The following ARPC3 variants were observed in gnomAD, a reference collection of about 807,000 sequenced individuals.
ARPC3 encodes the protein actin-related protein 2/3 complex subunit 3.
In ARPC3, 12 loss-of-function variants were observed where a neutral mutation model predicts 27.6. The ratio of observed to expected loss-of-function variants is 0.43; its 90% CI spans 0.28 to 0.70. The LOEUF is 0.70. Among genes scored for constraint, ARPC3 ranks in the 30% least tolerant of loss-of-function variants. The pLI, the probability that ARPC3 is intolerant of heterozygous loss-of-function variation, is 0.17. For missense variants in ARPC3, 153 were observed against 207.7 expected (o/e 0.74, Z 1.62); for synonymous variants, 53 against 67.2 (o/e 0.79, Z 1.03).
At chr12:110,435,620 G>A (rs1007930392) in intron 6 of ARPC3, among the ~76,000 whole-genome samples, 5 of 151,686 alleles carry the variant, frequency 3.3e-5, no homozygotes, top group Non-Finnish European at 5.9e-5. Context: ...GTGAGCCACC[G>A]CGCCTGGCCA....
intron 3 of ARPC3, among the ~76,000 whole-genome samples, chr12:110,439,122 A>AC (rs1338818837): frequency 6.6e-6 from 1 of 151,552 alleles, no homozygotes; most frequent in Non-Finnish European, 1.5e-5. Context: ...AGTAGCTGGG[A>AC]TTACAGGCAT....
intron 6 of ARPC3, 78 bp downstream of exon 6, chr12:110,436,032 G>A (rs2062402094): frequency 9.1e-7 from 1 of 1,097,308 alleles, no homozygotes. Flanking sequence ...TCTTGCAATG[G>A]AAGACCTTAG....
At chr12:110,450,113 G>C in intron 1 of ARPC3, 142 bp downstream of exon 1, 1 of 1,257,248 alleles carries the variant, frequency 8.0e-7, no homozygotes, top group Non-Finnish European at 1.1e-6. Flanking sequence ...TTCAGCAACC[G>C]GTCCCCTCCC....
chr12:110,437,244 G>A, intron 3 of ARPC3, 92 bp from the exon 4 acceptor site: 2 of 873,546 alleles, frequency 2.3e-6, no homozygotes, highest in Admixed American at 1.8e-5. Context: ...CTGATTATCT[G>A]CTGAATGCAG....
intron 3 of ARPC3, among the ~76,000 whole-genome samples, chr12:110,437,927 G>C (rs575195681): frequency 6.6e-6 from 1 of 152,252 alleles, no homozygotes; most frequent in East Asian, 1.9e-4. Flanking sequence ...TCAATGTCTT[G>C]ACCTAACCAA....
chr12:110,438,257 C>T lies in ARPC3; in HGVS notation c.184-1105G>A, dbSNP rs187512628. ...GTTGTAATGAGTCAAGACTGTACCA[C>T]TGCACTGCAGCCTGGGCAACAGAGC... On this transcript the variant is annotated intron_variant, in intron 3 of 6. Transcript: ENST00000228825. Among the ~76,000 whole-genome samples, 55 of 148,008 alleles carry T rather than the reference C, an allele frequency of 3.7e-4. 1 individual carries two copies.
intron 5 of ARPC3, 152 bp from the exon 6 acceptor site, chr12:110,436,356 T>C: frequency 9.0e-7 from 1 of 1,114,504 alleles, no homozygotes; most frequent in South Asian, 1.4e-5. Context: ...TATAACTATA[T>C]TTGTTTTTGT....
At chr12:110,449,118 CG>C (rs765226366) in intron 1 of ARPC3, among the ~76,000 whole-genome samples, 4 of 152,026 alleles carry the variant, frequency 2.6e-5, no homozygotes, top group Admixed American at 1.3e-4. Context: ...CTGACACTAC[CG>C]TATGTATCTC....
At chr12:110,436,051 A>T (rs2062402166) in intron 6 of ARPC3, 59 bp downstream of exon 6, 1 of 1,317,134 alleles carries the variant, frequency 7.6e-7, no homozygotes, top group Non-Finnish European at 1.1e-6. Flanking sequence ...AGTGTGTTCA[A>T]TGGTGGCTAT....
chr12:110,450,250 C>T lies in ARPC3; in HGVS notation c.6+5G>A, dbSNP rs1035122368. 6.2e-7 allele frequency: 1 copy of T among 1,614,142 alleles called. No individual in the cohort carries two copies. The highest frequency in any genetic ancestry group is 8.5e-7 in the Non-Finnish European group (1 of 1,179,986). ...GTCTCCCCACACCGTGGATCGAACC[C>T]TCACCGGCATCTTGGCGGCGCCCGG... On this transcript the variant is annotated splice_donor_5th_base_variant and intron_variant, in intron 1 of 6. Coordinates refer to ENST00000228825, the MANE Select transcript of ARPC3 (RefSeq NM_001278556.2).
intron 5 of ARPC3, 81 bp from the exon 6 acceptor site, chr12:110,436,285 G>T (rs532068844): frequency 2.5e-6 from 3 of 1,195,596 alleles, no homozygotes; most frequent in South Asian, 2.5e-5. Flanking sequence ...TGCTCACTGT[G>T]GTAATACATT....
At chr12:110,448,209 C>T (rs545605830) in intron 1 of ARPC3, among the ~76,000 whole-genome samples, 5 of 152,100 alleles carry the variant, frequency 3.3e-5, no homozygotes, top group African/African-American at 1.2e-4. Context: ...CTGGTTTTAC[C>T]ATTACTAGGC....
chr12:110,445,432 A>G lies in ARPC3; in HGVS notation c.106+20T>C. ...TAGGCATTTCGTACCAAAATTTGAA[A>G]ATAATGGGTTTAGACTTACTCTCTC... On this transcript the variant is annotated intron_variant, in intron 2 of 6. Transcript: ENST00000228825. 2 of 1,565,546 alleles carry G rather than the reference A, an allele frequency of 1.3e-6. No homozygotes were observed. The highest frequency in any genetic ancestry group is 1.4e-5 in the African/African-American group (1 of 73,986).
At chr12:110,446,181 G>A (rs976654178) in intron 1 of ARPC3, among the ~76,000 whole-genome samples, 54 of 149,592 alleles carry the variant, frequency 3.6e-4, no homozygotes, top group Admixed American at 1.1e-3. Context: ...TTGAGAAGGA[G>A]TCTCACCATG....
intron 1 of ARPC3, among the ~76,000 whole-genome samples, chr12:110,447,886 C>CTTTT (rs796202139): frequency 1.3e-4 from 14 of 107,198 alleles, no homozygotes; most frequent in Non-Finnish European, 2.1e-4. Context: ...ATTTAGAGTC[C>CTTTT]TTTTTTTTTT....
intron 2 of ARPC3, among the ~76,000 whole-genome samples, chr12:110,442,013 G>A (rs375039542): frequency 6.7e-5 from 10 of 148,178 alleles, no homozygotes; most frequent in South Asian, 4.3e-4. Context: ...CCTGGGCAAC[G>A]AGATCAAAAC....
At chr12:110,440,199 TA>T in intron 3 of ARPC3, 112 bp downstream of exon 3, 1 of 778,490 alleles carries the variant, frequency 1.3e-6, no homozygotes, top group South Asian at 1.6e-5. Flanking sequence ...CTCTCGAATT[TA>T]AAAATTACAT....
At position 110,445,565 on chromosome 12, in the gene ARPC3, C is replaced by T. The variant is rs1335033341; in HGVS notation, c.7-14G>A. 6 of 1,567,424 alleles carry T rather than the reference C, an allele frequency of 3.8e-6. No individual in the cohort carries two copies. Among genetic ancestry groups the T allele is most frequent in the Non-Finnish European group, 4.4e-6 (5 of 1,137,870 alleles). On this transcript the variant is annotated splice_polypyrimidine_tract_variant and intron_variant, in intron 1 of 6. Coordinates refer to ENST00000228825, the MANE Select transcript of ARPC3 (RefSeq NM_001278556.2). ...AGAGTGGTAAGCCTGTAATGGCAAG[C>T]CCAGGAAGAACACAGAAGCAGAAAA...
At chr12:110,436,800 A>G (rs2062408603) in intron 4 of ARPC3, 117 bp from the exon 5 acceptor site, 1 of 874,844 alleles carries the variant, frequency 1.1e-6, no homozygotes, top group Non-Finnish European at 1.7e-6. Context: ...CCCCAGGTTA[A>G]GAACCCTTGA....
Sources: allele counts gnomAD v4.1 joint callset (sites outside exome capture counted in the v4.1 genomes callset), GRCh38; gene constraint gnomAD v4.1.1; transcripts MANE v1.5; gene names NCBI Gene and HGNC (gene_info 2026-07-23, HGNC 2026-07-21).